Variants in ADGRL2 observed in about 807,000 individuals in gnomAD.
ADGRL2 encodes the protein calcium-independent alpha-latrotoxin receptor 2.
ADGRL2 carries 44 observed loss-of-function variants against 157.4 expected under a neutral mutation model. The ratio of observed to expected loss-of-function variants is 0.28; its 90% CI spans 0.22 to 0.36. The LOEUF (loss-of-function observed/expected upper bound fraction) is 0.36, where lower values mean the gene tolerates loss of function less well. ADGRL2 is among the 10% of genes least tolerant of loss of function. The pLI, the probability that ADGRL2 is intolerant of heterozygous loss-of-function variation, is 1.00. For synonymous variants in ADGRL2, 585 were observed against 624.7 expected, an observed-to-expected ratio of 0.94 and a Z score of 0.95; for missense variants, 1,510 against 1,768.9, an observed-to-expected ratio of 0.85 and a Z score of 2.63.
chr1:81,618,558 T>G (rs1010441197), intron 3 of ADGRL2, among the ~76,000 whole-genome samples: 1 of 152,238 alleles, frequency 6.6e-6, no homozygotes. Context: ...TAGCTCTTTT[T>G]GTTCATTGTA....
At chr1:81,703,783 G>C (rs1226850117) in intron 1 of ADGRL2, among the ~76,000 whole-genome samples, 2 of 152,158 alleles carry the variant, frequency 1.3e-5, no homozygotes, top group Non-Finnish European at 2.9e-5. Flanking sequence ...AATGAGTCTG[G>C]ACTTAGGATT....
At chr1:81,788,967 T>C (rs1021756780) in intron 2 of ADGRL2, among the ~76,000 whole-genome samples, 4 of 152,118 alleles carry the variant, frequency 2.6e-5, no homozygotes, top group Admixed American at 2.6e-4. Context: ...CCACCCGCCT[T>C]GGCCTCCCAA....
At chr1:81,549,165 T>A (rs1193215954) in intron 2 of ADGRL2, among the ~76,000 whole-genome samples, 1 of 152,184 alleles carries the variant, frequency 6.6e-6, no homozygotes, top group Non-Finnish European at 1.5e-5. Context: ...ACCAAGCAGA[T>A]CCTTTTGACA....
intron 1 of ADGRL2, among the ~76,000 whole-genome samples, chr1:81,749,107 T>A (rs1331616810): frequency 1.3e-5 from 2 of 152,196 alleles, no homozygotes; most frequent in African/African-American, 4.8e-5. Flanking sequence ...CCAATAAATA[T>A]AAAACATTTT....
chr1:81,775,584 TAA>T (rs78771563), intron 2 of ADGRL2, among the ~76,000 whole-genome samples: 37 of 138,606 alleles, frequency 2.7e-4, no homozygotes, highest in Non-Finnish European at 2.5e-4. Flanking sequence ...GGTCCTGGTT[TAA>T]AAAAAAAAAA....
rs149904902 is a variant in ADGRL2, at chr1:81,888,265, T to C, written c.74-18752T>C. Among the ~76,000 whole-genome samples, 1,045 of 152,244 alleles carry C rather than the reference T, an allele frequency of 6.9e-3. 8 individuals carry two copies. Among genetic ancestry groups the C allele is most frequent in the Non-Finnish European group, 8.5e-3 (578 of 68,008 alleles). ...TTTATCAAAAGCTTGACAGTGCTCA[T>C]ACAACATACGAATTGAGTTTCACTT... On this transcript the variant is annotated intron_variant, in intron 2 of 23. Transcript: ENST00000686636.
intron 2 of ADGRL2, among the ~76,000 whole-genome samples, chr1:81,571,843 T>C (rs944696407): frequency 2.0e-5 from 3 of 152,176 alleles, no homozygotes; most frequent in East Asian, 1.9e-4. Flanking sequence ...CAACACAGAA[T>C]AGGCACTCGA....
At chr1:81,623,082 G>T (rs71646938) in intron 3 of ADGRL2, among the ~76,000 whole-genome samples, 27,876 of 152,078 alleles carry the variant, frequency 0.18, 2,769 homozygotes, top group East Asian at 0.35. Context: ...ACTCAGGTCT[G>T]GGGTGGAGCA....
intron 1 of ADGRL2, among the ~76,000 whole-genome samples, chr1:81,823,506 G>A (rs1002118453): frequency 6.6e-6 from 1 of 151,818 alleles, no homozygotes; most frequent in Non-Finnish European, 1.5e-5. Context: ...ACTATGCATG[G>A]GTTATACTCA....
intron 3 of ADGRL2, among the ~76,000 whole-genome samples, chr1:81,585,040 A>G (rs565620394): frequency 1.3e-5 from 2 of 152,278 alleles, no homozygotes; most frequent in South Asian, 4.1e-4. Context: ...TTTAGTAATG[A>G]TAAAAATACT....
At chr1:81,796,520 A>C (rs946101497), upstream of ADGRL2, among the ~76,000 whole-genome samples, 2 of 152,220 alleles carry the variant, frequency 1.3e-5, no homozygotes, top group Admixed American at 6.5e-5. Flanking sequence ...GGGAAAGAAA[A>C]ACTTTGAGTT....
intron 3 of ADGRL2, among the ~76,000 whole-genome samples, chr1:81,614,604 G>A (rs1486340371): frequency 1.3e-5 from 2 of 152,072 alleles, no homozygotes; most frequent in Non-Finnish European, 2.9e-5. Flanking sequence ...CCATCTCTCA[G>A]CTCCATCTGC....
intron 1 of ADGRL2, chr1:81,721,831 A>T: frequency 1.1e-6 from 1 of 943,804 alleles, no homozygotes; most frequent in Non-Finnish European, 1.7e-6. Context: ...CTACTCAGAA[A>T]GCTAAATCTG....
intron 2 of ADGRL2, among the ~76,000 whole-genome samples, chr1:81,854,708 A>C (rs920140864): frequency 6.6e-6 from 1 of 152,194 alleles, no homozygotes; most frequent in Non-Finnish European, 1.5e-5. Context: ...AGAGAGCTGC[A>C]TAGGTGGCAT....
intron 8 of ADGRL2, 78 bp from the exon 9 acceptor site, chr1:81,951,879 A>G (rs991881033): frequency 4.2e-6 from 5 of 1,178,450 alleles, no homozygotes; most frequent in South Asian, 1.7e-5. Context: ...TTTCACCACA[A>G]TAAAGATACT....
chr1:81,557,460 A>AAAGAAAG (rs61248621), intron 2 of ADGRL2: 7,140 of 64,760 alleles, frequency 0.11, 295 homozygotes, highest in Non-Finnish European at 0.15. Flanking sequence ...AGAAAGAAAG[A>AAAGAAAG]AAGAAAGAAG....
At chr1:81,833,666 C>A (rs1050036738) in intron 1 of ADGRL2, among the ~76,000 whole-genome samples, 1 of 152,032 alleles carries the variant, frequency 6.6e-6, no homozygotes, top group African/African-American at 2.4e-5. Context: ...CGGTGTTGTC[C>A]TTTTAAGTAA....
rs539511162 is a variant in ADGRL2 at position 81,364,705 on chromosome 1, T to C, written c.-302+58196T>C. On this transcript the variant is annotated intron_variant, in intron 1 of 24. Transcript: ENST00000370721. ...CAATAGGATATTGGTAATTAATTCT[T>C]TTTTTTTTTTTCGAGACAGAGTCTT... Among the ~76,000 whole-genome samples, 161 of 148,284 alleles carry C rather than the reference T, an allele frequency of 1.1e-3. 4 individuals carry two copies. The South Asian group carries it at 0.033, about 31-fold the overall frequency.
At chr1:81,905,329 G>A (rs1424129599) in intron 2 of ADGRL2, among the ~76,000 whole-genome samples, 3 of 152,040 alleles carry the variant, frequency 2.0e-5, no homozygotes, top group African/African-American at 2.4e-5. Context: ...ATCCCCTGAC[G>A]TCAGGTGATC....
Sources: gnomAD v4.1 joint callset for allele counts (sites outside exome capture counted in the v4.1 genomes callset) on GRCh38, gnomAD v4.1.1 for gene constraint, MANE v1.5 for transcripts, NCBI Gene and HGNC (gene_info 2026-07-23, HGNC 2026-07-21) for gene names.